The following HS3ST3A1 variants were observed in gnomAD, a reference collection of about 807,000 sequenced individuals.
HS3ST3A1 encodes the protein heparan sulfate glucosamine 3-O-sulfotransferase 3A1.
Under a neutral mutation model 25.7 loss-of-function variants are expected in HS3ST3A1, and 19 were observed. The ratio of observed to expected loss-of-function variants is 0.74; its 90% CI spans 0.52 to 1.08. The LOEUF (loss-of-function observed/expected upper bound fraction) is 1.08, where lower values mean the gene tolerates loss of function less well. Ranked by LOEUF, HS3ST3A1 falls within the 50% of genes least tolerant of loss-of-function variation. The probability of loss-of-function intolerance (pLI) is 0.00; values close to 1 mark genes in which losing one functional copy is unlikely to be tolerated. For missense variants in HS3ST3A1, 459 were observed against 594.3 expected (o/e 0.77, Z 2.37); for synonymous variants, 226 against 278.6 (o/e 0.81, Z 1.88).
chr17:13,505,603 A>G (rs1905637344), intron 1 of HS3ST3A1, among the ~76,000 whole-genome samples: 1 of 152,026 alleles, frequency 6.6e-6, no homozygotes, highest in South Asian at 2.1e-4. Context: ...ATAATCGGTG[A>G]GGCTAGATAG....
At chr17:13,588,025 A>C (rs1908322367) in intron 1 of HS3ST3A1, among the ~76,000 whole-genome samples, 1 of 152,198 alleles carries the variant, frequency 6.6e-6, no homozygotes, top group African/African-American at 2.4e-5. Context: ...CTCACCTGAG[A>C]GTAACCCATA....
At chr17:13,565,109 T>C (rs1200502799) in intron 1 of HS3ST3A1, among the ~76,000 whole-genome samples, 1 of 151,430 alleles carries the variant, frequency 6.6e-6, no homozygotes, top group Admixed American at 6.6e-5. Context: ...ATTGGAGTAG[T>C]CAAGTTTATT....
intron 1 of HS3ST3A1, among the ~76,000 whole-genome samples, chr17:13,554,222 T>C (rs1907315744): frequency 6.6e-6 from 1 of 152,154 alleles, no homozygotes; most frequent in African/African-American, 2.4e-5. Flanking sequence ...AGACTACTGG[T>C]CCAGTTGCAA....
At chr17:13,590,326 T>TAAAAAAAAAAAAAA (rs59735905) in intron 1 of HS3ST3A1, among the ~76,000 whole-genome samples, 1 of 147,536 alleles carries the variant, frequency 6.8e-6, no homozygotes, top group African/African-American at 2.5e-5. Context: ...TCTGTGAGGT[T>TAAAAAAAAAAAAAA]AAAAAAAAAA....
intron 1 of HS3ST3A1, among the ~76,000 whole-genome samples, chr17:13,515,296 A>G (rs1315865121): frequency 3.3e-5 from 5 of 152,154 alleles, no homozygotes; most frequent in African/African-American, 4.8e-5. Context: ...AGTAGCTGGC[A>G]TAACAGGCAT....
intron 1 of HS3ST3A1, among the ~76,000 whole-genome samples, chr17:13,549,974 G>A (rs971038408): frequency 3.3e-5 from 5 of 152,210 alleles, no homozygotes; most frequent in Admixed American, 2.0e-4. Context: ...ATGGAAAGAA[G>A]GTTCCATGGT....
chr17:13,553,395 C>T (rs1033537018), intron 1 of HS3ST3A1, among the ~76,000 whole-genome samples: 2 of 152,098 alleles, frequency 1.3e-5, no homozygotes, highest in Admixed American at 6.5e-5. Context: ...ATGGTTTAAG[C>T]CAGAAGCCAT....
chr17:13,551,226 G>A (rs1447124887), intron 1 of HS3ST3A1, among the ~76,000 whole-genome samples: 1 of 151,518 alleles, frequency 6.6e-6, no homozygotes, highest in East Asian at 1.9e-4. Context: ...GTGTGTGTCT[G>A]TAATGCCAGC....
At chr17:13,594,818 A>G (rs762779720) in intron 1 of HS3ST3A1, among the ~76,000 whole-genome samples, 6 of 152,162 alleles carry the variant, frequency 3.9e-5, no homozygotes, top group Non-Finnish European at 8.8e-5. Context: ...TCATCTTGCT[A>G]TAAGTGCTAC....
chr17:13,584,296 C>T (rs1398291009), intron 1 of HS3ST3A1, among the ~76,000 whole-genome samples: 1 of 151,950 alleles, frequency 6.6e-6, no homozygotes, highest in African/African-American at 2.4e-5. Flanking sequence ...GAAGAAGAAC[C>T]ACTATGCTTT....
intron 1 of HS3ST3A1, among the ~76,000 whole-genome samples, chr17:13,545,808 CTAA>C (rs1907071694): frequency 6.6e-6 from 1 of 150,382 alleles, no homozygotes; most frequent in Admixed American, 6.6e-5. Flanking sequence ...GAAACTTTCT[CTAA>C]TAACAATACA....
chr17:13,495,992 G>T lies in HS3ST3A1; in HGVS notation c.*205C>A, dbSNP rs1905252662. 2 of 549,680 alleles carry T rather than the reference G, an allele frequency of 3.6e-6. No homozygotes were observed. The highest frequency in any genetic ancestry group is 3.9e-5 in the South Asian group (1 of 25,842). The allele number at this position is 549,680 out of a possible 1,614,324, so 34.1% of individuals were successfully genotyped here. ...AACTGAAAATTGAAAGTGTTTAGAC[G>T]AGTGAAATTTTCCTTTTCTGTTGAT... On this transcript the variant is annotated 3_prime_UTR_variant, in exon 2 of 2. Coordinates refer to ENST00000284110, the MANE Select transcript of HS3ST3A1 (RefSeq NM_006042.3).
intron 1 of HS3ST3A1, among the ~76,000 whole-genome samples, chr17:13,573,977 C>G (rs1567627283): frequency 6.6e-6 from 1 of 152,124 alleles, no homozygotes; most frequent in Non-Finnish European, 1.5e-5. Flanking sequence ...TTAGACTTTC[C>G]AACCTCCATA....
At chr17:13,566,544 T>C (rs909749770) in intron 1 of HS3ST3A1, among the ~76,000 whole-genome samples, 4 of 152,222 alleles carry the variant, frequency 2.6e-5, no homozygotes, top group African/African-American at 9.6e-5. Context: ...GAAGGCATGT[T>C]GAAAGCTGAG....
rs111782089 is a variant in HS3ST3A1, at chr17:13,564,920, C to T, written c.599+35611G>A. 7.8e-3 allele frequency among the ~76,000 whole-genome samples: 1,181 copies of T among 152,040 alleles called. 5 individuals are homozygous for T. Among genetic ancestry groups the T allele is most frequent in the South Asian group, 0.013 (61 of 4,808 alleles). On this transcript the variant is annotated intron_variant, in intron 1 of 1. Transcript: ENST00000284110. The stretch of plus-strand genomic sequence containing the variant: ...TATTTTTAGTAGAGACGGGGTTCTG[C>T]CAAGTTGGCCAGGCTGGTCGCAAAC...
intron 1 of HS3ST3A1, among the ~76,000 whole-genome samples, chr17:13,597,029 CT>C (rs1908596058): frequency 6.6e-6 from 1 of 152,026 alleles, no homozygotes; most frequent in African/African-American, 2.4e-5. Flanking sequence ...CCTGTATGCT[CT>C]AGAATAAAAT....
At chr17:13,533,161 G>A (rs1297562515) in intron 1 of HS3ST3A1, among the ~76,000 whole-genome samples, 1 of 152,090 alleles carries the variant, frequency 6.6e-6, no homozygotes, top group Non-Finnish European at 1.5e-5. Flanking sequence ...ATATCTACAT[G>A]TATAAGGTTA....
chr17:13,568,275 C>CTA (rs1907724080), intron 1 of HS3ST3A1, among the ~76,000 whole-genome samples: 1 of 152,164 alleles, frequency 6.6e-6, no homozygotes, highest in African/African-American at 2.4e-5. Context: ...GCTTAATAGA[C>CTA]TATAGTATAG....
At chr17:13,528,058 C>T (rs934665125) in intron 1 of HS3ST3A1, among the ~76,000 whole-genome samples, 8 of 151,992 alleles carry the variant, frequency 5.3e-5, no homozygotes, top group African/African-American at 1.7e-4. Flanking sequence ...TCCGTGTCAT[C>T]GGAAAGAAGG....
Sources: gnomAD v4.1 joint callset for allele counts (sites outside exome capture counted in the v4.1 genomes callset) on GRCh38, gnomAD v4.1.1 for gene constraint, MANE v1.5 for transcripts, NCBI Gene and HGNC (gene_info 2026-07-23, HGNC 2026-07-21) for gene names.